The following SPTBN1 variants were observed in gnomAD, a reference collection of about 807,000 sequenced individuals.
The protein encoded by SPTBN1 is spectrin beta, non-erythrocytic 1.
SPTBN1 carries 32 observed loss-of-function variants against 266.4 expected under a neutral mutation model. The ratio of observed to expected loss-of-function variants is 0.12; its 90% confidence interval spans 0.09 to 0.16. The LOEUF (loss-of-function observed/expected upper bound fraction) is 0.16, where lower values mean the gene tolerates loss of function less well. SPTBN1 is among the 10% of genes least tolerant of loss of function. SPTBN1 has a pLI of 1.00. For missense variants in SPTBN1, 2,296 were observed against 3,067.1 expected, an observed-to-expected ratio of 0.75 and a Z score of 5.94; for synonymous variants, 1,336 against 1,162.2, an observed-to-expected ratio of 1.15 and a Z score of -3.04.
intron 2 of SPTBN1, among the ~76,000 whole-genome samples, chr2:54,593,939 T>C (rs1245860950): frequency 6.8e-6 from 1 of 147,126 alleles, no homozygotes; most frequent in East Asian, 2.1e-4. Context: ...GTTCAAGTAG[T>C]TCTCCTGCCT....
chr2:54,644,694 AGGC>A, intron 20 of SPTBN1, 108 bp downstream of exon 20: 1 of 1,448,968 alleles, frequency 6.9e-7, no homozygotes, highest in African/African-American at 1.4e-5. Flanking sequence ...TTCCATGGGA[AGGC>A]ATTTTTAACC....
intron 2 of SPTBN1, among the ~76,000 whole-genome samples, chr2:54,584,468 A>G (rs534101283): frequency 3.9e-5 from 6 of 152,338 alleles, no homozygotes; most frequent in African/African-American, 1.4e-4. Context: ...ATCACTACTT[A>G]CCTTCTCACC....
intron 26 of SPTBN1, among the ~76,000 whole-genome samples, chr2:54,650,356 T>C (rs1680189394): frequency 6.6e-6 from 1 of 152,242 alleles, no homozygotes; most frequent in South Asian, 2.1e-4. Context: ...CTAAGTTGTA[T>C]GTCTGGAAAA....
At position 54,629,087 on chromosome 2, in the gene SPTBN1, A is replaced by G. The variant is rs775458851; in HGVS notation, c.1953A>G (p.Glu651=). The part of the protein sequence containing the change: ...WKFFWEMAEE[E]GWIREKEKIL... ...TCTTCTGGGAGATGGCAGAAGAGGAAGGCTGGATACGGGAGAAGGAGAAGA... is the reference window on the plus strand; with the variant it reads ...TCTTCTGGGAGATGGCAGAAGAGGAGGGCTGGATACGGGAGAAGGAGAAGA... Residue 651 remains glutamate, a synonymous_variant, in exon 14 of 36, where the codon GAA becomes GAG. Transcript: ENST00000356805. The G allele has an allele frequency of 7.6e-5, 123 of 1,613,670 alleles. No homozygotes were observed. The highest frequency in any genetic ancestry group is 9.9e-5 in the Non-Finnish European group (117 of 1,179,954).
At chr2:54,471,799 GAT>G (rs1491252816) in intron 1 of SPTBN1, among the ~76,000 whole-genome samples, 1 of 31,498 alleles carries the variant, frequency 3.2e-5, no homozygotes, top group African/African-American at 1.8e-4. Flanking sequence ...CTTTTTTATC[GAT>G]TTTTTTTTTT....
intron 5 of SPTBN1, among the ~76,000 whole-genome samples, chr2:54,617,010 A>G (rs2103834069): frequency 6.6e-6 from 1 of 152,342 alleles, no homozygotes; most frequent in Admixed American, 6.5e-5. Context: ...TGGCCTAATA[A>G]AAGGGTCAAG....
At chr2:54,457,990 G>C (rs912618240) in intron 1 of SPTBN1, among the ~76,000 whole-genome samples, 1 of 152,242 alleles carries the variant, frequency 6.6e-6, no homozygotes, top group African/African-American at 2.4e-5. Flanking sequence ...AGGAAGGACT[G>C]GGCCCAGTGG....
chr2:54,509,504 G>C (rs1178524437), intron 1 of SPTBN1, among the ~76,000 whole-genome samples: 1 of 152,242 alleles, frequency 6.6e-6, no homozygotes, highest in African/African-American at 2.4e-5. Context: ...GCTGCACGGG[G>C]ACATGATGGC....
At chr2:54,557,158 G>A (rs1165641425) in intron 2 of SPTBN1, among the ~76,000 whole-genome samples, 1 of 152,194 alleles carries the variant, frequency 6.6e-6, no homozygotes, top group East Asian at 1.9e-4. Context: ...GTTGTTCAGC[G>A]TTGAGCAGTT....
At chr2:54,625,525 A>G (rs1479939972) in intron 11 of SPTBN1, among the ~76,000 whole-genome samples, 1 of 135,936 alleles carries the variant, frequency 7.4e-6, no homozygotes, top group Non-Finnish European at 1.6e-5. Context: ...TGTGCTCAAG[A>G]TTTCATGTCT....
rs1243088662 is a variant in SPTBN1, at chr2:54,646,493, G to A, written c.4866+18G>A. ...AGGCCAAGGTGAGAGGAGGCGGGAAGCATCCCTGTCCCAGGAGAGCCTCAG... is the reference window on the plus strand; with the variant it reads ...AGGCCAAGGTGAGAGGAGGCGGGAAACATCCCTGTCCCAGGAGAGCCTCAG... On this transcript the variant is annotated intron_variant, in intron 23 of 35. Coordinates refer to ENST00000356805, the MANE Select transcript of SPTBN1 (RefSeq NM_003128.3). The surrounding 1 kb of genome is among the most constrained non-coding windows in gnomAD (Gnocchi z 4.4). The A allele has an allele frequency of 1.3e-6, 2 of 1,482,658 alleles. No individual in the cohort carries two copies. Among genetic ancestry groups the A allele is most frequent in the Non-Finnish European group, 9.0e-7 (1 of 1,117,000 alleles). The allele number at this position is 1,482,658 out of a possible 1,614,324, so 91.8% of individuals were successfully genotyped here.
rs1390868257 is a variant in SPTBN1, at chr2:54,670,724, G to A, written c.*2155G>A. ...AATAAATACGTACATGTGGAACATC[G>A]TGCACATAATTTCAACAGTTCGCAG... On this transcript the variant is annotated 3_prime_UTR_variant, in exon 36 of 36. Transcript: ENST00000356805. 7.5e-6 allele frequency: 3 copies of A among 398,452 alleles called. No individual in the cohort carries two copies. Among genetic ancestry groups the A allele is most frequent in the African/African-American group, 4.1e-5 (2 of 48,612 alleles). The allele number at this position is 398,452 out of a possible 1,614,324, so 24.7% of individuals were successfully genotyped here.
intron 1 of SPTBN1, among the ~76,000 whole-genome samples, chr2:54,488,628 A>T (rs772153023): frequency 1.3e-5 from 2 of 152,024 alleles, no homozygotes; most frequent in African/African-American, 2.4e-5. Flanking sequence ...GTGCATTATT[A>T]TCTCATCGTG....
Position 54,629,103 on chromosome 2 carries a change from A to G in SPTBN1, c.1969A>G (p.Lys657Glu), listed in dbSNP as rs139552585. ...MAEEEGWIRE[K>E]EKILSSDDYG... Reference sequence around the variant, plus strand: ...AGAAGAGGAAGGCTGGATACGGGAGAAGGAGAAGATCCTGTCCTCGGACGA... The same window carrying G: ...AGAAGAGGAAGGCTGGATACGGGAGGAGGAGAAGATCCTGTCCTCGGACGA... The change falls in exon 14 of 36, where the codon AAG (lysine) becomes GAG (glutamate). Residue 657 changes from lysine to glutamate, a missense_variant. By Grantham distance (56) the Lys-to-Glu change is moderately conservative. Around this residue, in one of 12 missense-constraint regions of SPTBN1, gnomAD observed 434 missense variants for 573.9 expected, o/e 0.76. Transcript: ENST00000356805. 97 of 1,613,674 alleles carry G rather than the reference A, an allele frequency of 6.0e-5. 1 individual carries two copies. The African/African-American group carries it at 1.0e-3, about 17-fold the overall frequency.
chr2:54,467,207 G>A (rs1428763953), intron 1 of SPTBN1, among the ~76,000 whole-genome samples: 2 of 151,212 alleles, frequency 1.3e-5, no homozygotes, highest in Admixed American at 6.6e-5. Flanking sequence ...TTCACCAGCT[G>A]TAAAGTCTTG....
rs146030968 is a variant in SPTBN1, at chr2:54,604,113, T to C, written c.300+4870T>C. On this transcript the variant is annotated intron_variant, in intron 3 of 35. Coordinates refer to ENST00000356805, the MANE Select transcript of SPTBN1 (RefSeq NM_003128.3). ...TGGGTTATGGCAGATCTAGGCCTCA[T>C]TGGCCTCTCTCAGTGCCCGGGGCTG... Among the ~76,000 whole-genome samples the C allele has an allele frequency of 1.3e-3, 198 of 152,316 alleles. 1 individual carries two copies. Among genetic ancestry groups the C allele is most frequent in the African/African-American group, 3.6e-3 (151 of 41,566 alleles).
chr2:54,493,584 TAG>T (rs1479077739), intron 1 of SPTBN1, among the ~76,000 whole-genome samples: 1 of 152,272 alleles, frequency 6.6e-6, no homozygotes, highest in Non-Finnish European at 1.5e-5. Context: ...GTATTTTTAG[TAG>T]AGACAAGGTT....
intron 2 of SPTBN1, among the ~76,000 whole-genome samples, chr2:54,576,912 G>A (rs1167240630): frequency 6.6e-6 from 1 of 152,186 alleles, no homozygotes; most frequent in South Asian, 2.1e-4. Flanking sequence ...TGGAGGAATT[G>A]ACATTGATTG....
At chr2:54,637,855 C>T in intron 18 of SPTBN1, 52 bp downstream of exon 18, 1 of 1,441,474 alleles carries the variant, frequency 6.9e-7, no homozygotes, top group Non-Finnish European at 9.7e-7. Flanking sequence ...TAGCAATTGC[C>T]AGCCAGCATT....
Sources: gnomAD v4.1 joint callset for allele counts (sites outside exome capture counted in the v4.1 genomes callset) on GRCh38, gnomAD v4.1.1 for gene constraint, gnomAD v4.1.1 regional missense constraint, Gnocchi (gnomAD v3.1) non-coding constraint, MANE v1.5 for transcripts, NCBI Gene and HGNC (gene_info 2026-07-23, HGNC 2026-07-21) for gene names.